Variants in LRRC49 observed in about 807,000 individuals in gnomAD.
LRRC49 encodes leucine-rich repeat-containing protein 49.
A neutral mutation model predicts 83.3 loss-of-function variants in LRRC49; 50 were observed. That is an observed-to-expected ratio of 0.60 (90% CI 0.48 to 0.76). The LOEUF (loss-of-function observed/expected upper bound fraction) is 0.76, where lower values mean the gene tolerates loss of function less well. LRRC49 is among the 30% of genes least tolerant of loss of function. LRRC49 has a pLI of 0.00. For missense variants in LRRC49, 704 were observed against 809.1 expected (o/e 0.87, Z 1.58); for synonymous variants, 286 against 283.3 (o/e 1.01, Z -0.10).
intron 14 of LRRC49, among the ~76,000 whole-genome samples, chr15:71,032,501 A>G (rs1334669565): frequency 6.6e-6 from 1 of 152,150 alleles, no homozygotes; most frequent in Non-Finnish European, 1.5e-5. Context: ...ACTTCTCCCT[A>G]TCTCATTTTA....
At chr15:71,043,232 G>A (rs2039751238) in intron 15 of LRRC49, among the ~76,000 whole-genome samples, 1 of 152,034 alleles carries the variant, frequency 6.6e-6, no homozygotes, top group African/African-American at 2.4e-5. Context: ...ATGGAGATAT[G>A]GATTAAATCC....
intron 1 of LRRC49, chr15:70,860,302 T>C: frequency 1.9e-6 from 1 of 525,656 alleles, no homozygotes. Flanking sequence ...CGCGGGGGAG[T>C]TTACTGCCTG....
At chr15:70,858,936 C>T (rs2032718550) in intron 1 of LRRC49, 2 of 790,780 alleles carry the variant, frequency 2.5e-6, no homozygotes, top group Non-Finnish European at 4.6e-6. Context: ...CCTGCTGAGC[C>T]CTCTTAACCT....
intron 14 of LRRC49, among the ~76,000 whole-genome samples, chr15:71,016,250 TA>T (rs1460661149): frequency 6.6e-6 from 1 of 152,094 alleles, no homozygotes; most frequent in Admixed American, 6.5e-5. Context: ...AAAAAGCATT[TA>T]AAAATACTTT....
intron 11 of LRRC49, among the ~76,000 whole-genome samples, chr15:70,988,054 A>C (rs1391325432): frequency 3.3e-5 from 5 of 151,866 alleles, no homozygotes; most frequent in East Asian, 1.9e-4. Context: ...CTTTACTTCC[A>C]ACTATGTGGT....
chr15:70,997,282 T>C (rs1324334110), intron 11 of LRRC49, among the ~76,000 whole-genome samples: 2 of 152,208 alleles, frequency 1.3e-5, no homozygotes, highest in Non-Finnish European at 2.9e-5. Context: ...CAATATAAAA[T>C]GTTCTTCCTT....
At chr15:70,999,350 T>C (rs1033999631) in intron 11 of LRRC49, among the ~76,000 whole-genome samples, 25 of 152,222 alleles carry the variant, frequency 1.6e-4, no homozygotes, top group Admixed American at 1.6e-3. Flanking sequence ...TCTATTTTTT[T>C]AATGACTTTC....
upstream of LRRC49, chr15:70,892,749 G>T: frequency 6.5e-7 from 1 of 1,547,612 alleles, no homozygotes; most frequent in Non-Finnish European, 8.7e-7. Flanking sequence ...CTATCGATTC[G>T]GGAGAGGTCC....
chr15:71,024,549 A>G (rs1179499201), intron 14 of LRRC49, among the ~76,000 whole-genome samples: 1 of 152,094 alleles, frequency 6.6e-6, no homozygotes, highest in African/African-American at 2.4e-5. Flanking sequence ...AAGGAAAGCA[A>G]CAACAACAAC....
chr15:70,912,898 C>T (rs146383129), intron 6 of LRRC49, among the ~76,000 whole-genome samples: 10,026 of 152,028 alleles, frequency 0.066, 445 homozygotes, highest in Middle Eastern at 0.15. Flanking sequence ...AGGATGGTCT[C>T]GATCTCCTGA....
chr15:70,873,229 T>C (rs1331251987), intron 2 of LRRC49: 2 of 1,536,068 alleles, frequency 1.3e-6, no homozygotes, highest in East Asian at 2.4e-5. Context: ...CTGAGGTAAG[T>C]CTACACTTTC....
intron 7 of LRRC49, among the ~76,000 whole-genome samples, chr15:70,933,229 C>T (rs1203067841): frequency 6.6e-6 from 1 of 151,750 alleles, no homozygotes; most frequent in Non-Finnish European, 1.5e-5. Context: ...TTGAATTTTA[C>T]TTCAAAAAAT....
chr15:70,862,216 T>C (rs1000986620), intron 1 of LRRC49, among the ~76,000 whole-genome samples: 1 of 152,158 alleles, frequency 6.6e-6, no homozygotes, highest in Admixed American at 6.5e-5. Context: ...GGTGAGGGCT[T>C]CATTAGGTCA....
chr15:70,992,387 A>AT (rs2037915739), intron 11 of LRRC49, among the ~76,000 whole-genome samples: 2 of 152,240 alleles, frequency 1.3e-5, no homozygotes, highest in South Asian at 4.1e-4. Flanking sequence ...AGGCGCTCTG[A>AT]TTTTTAGAAT....
At chr15:70,959,530 A>AAAGGAGGG (rs2036523170) in intron 8 of LRRC49, among the ~76,000 whole-genome samples, 1 of 93,654 alleles carries the variant, frequency 1.1e-5, no homozygotes, top group African/African-American at 4.2e-5. Flanking sequence ...GGGAGGGAGG[A>AAAGGAGGG]AAGGAGGGAA....
intron 8 of LRRC49, among the ~76,000 whole-genome samples, chr15:70,948,532 G>A (rs2036094875): frequency 6.6e-6 from 1 of 150,890 alleles, no homozygotes; most frequent in Non-Finnish European, 1.5e-5. Context: ...AACAAAAGAG[G>A]GATGTAATCC....
At chr15:70,893,859 GGTTTTTTT>G (rs2033702396) in intron 2 of LRRC49, among the ~76,000 whole-genome samples, 1 of 150,542 alleles carries the variant, frequency 6.6e-6, no homozygotes, top group South Asian at 2.1e-4. Flanking sequence ...AAAGGGTAAG[GGTTTTTTT>G]GTTTTTTTTT....
chr15:70,916,482 A>G (rs2034779478), intron 6 of LRRC49, among the ~76,000 whole-genome samples: 1 of 152,112 alleles, frequency 6.6e-6, no homozygotes, highest in African/African-American at 2.4e-5. Flanking sequence ...TTTAGTAGAG[A>G]CAGGGTTTCA....
chr15:71,012,003 G>A (rs1039794088), intron 13 of LRRC49, among the ~76,000 whole-genome samples: 2 of 152,052 alleles, frequency 1.3e-5, no homozygotes, highest in Non-Finnish European at 2.9e-5. Context: ...ATGTTTAACA[G>A]CAACCCTGGT....
Sources: allele counts gnomAD v4.1 joint callset (sites outside exome capture counted in the v4.1 genomes callset), GRCh38; gene constraint gnomAD v4.1.1; transcripts MANE v1.5; gene names NCBI Gene and HGNC (gene_info 2026-07-23, HGNC 2026-07-21).